Variants in PTPN4 observed in about 807,000 individuals in gnomAD.
The protein encoded by PTPN4 is protein tyrosine phosphatase non-receptor type 4.
Under a neutral mutation model 135.5 loss-of-function variants are expected in PTPN4, and 49 were observed. The ratio of observed to expected loss-of-function variants is 0.36; its 90% CI spans 0.29 to 0.46. The LOEUF is 0.46. Among genes scored for constraint, PTPN4 ranks in the 20% least tolerant of loss-of-function variants. The pLI is 1.00. For synonymous variants in PTPN4, 333 were observed against 369.9 expected (o/e 0.90, Z 1.14); for missense variants, 860 against 1,101.0 (o/e 0.78, Z 3.10).
At chr2:119,886,832 T>C (rs552107066) in intron 9 of PTPN4, among the ~76,000 whole-genome samples, 8 of 152,322 alleles carry the variant, frequency 5.3e-5, no homozygotes, top group Middle Eastern at 3.4e-3. Flanking sequence ...AGTTCTTATG[T>C]TTCACAAAGC....
intron 2 of PTPN4, among the ~76,000 whole-genome samples, chr2:119,818,333 G>A (rs781213883): frequency 1.4e-4 from 21 of 152,142 alleles, no homozygotes; most frequent in East Asian, 1.9e-4. Flanking sequence ...CTAATTTGTC[G>A]TTGTATATTG....
chr2:119,868,555 C>G (rs1403688918), intron 3 of PTPN4, among the ~76,000 whole-genome samples: 3 of 152,148 alleles, frequency 2.0e-5, no homozygotes, highest in Non-Finnish European at 4.4e-5. Context: ...GGCCATAATG[C>G]CCACGTTGGA....
At chr2:119,971,961 A>C (rs1357223669) in intron 26 of PTPN4, among the ~76,000 whole-genome samples, 2 of 152,202 alleles carry the variant, frequency 1.3e-5, no homozygotes, top group African/African-American at 4.8e-5. Flanking sequence ...CAAATATAAG[A>C]GTTTATTTCT....
chr2:119,834,420 C>G (rs1677262284), intron 2 of PTPN4, among the ~76,000 whole-genome samples: 1 of 151,736 alleles, frequency 6.6e-6, no homozygotes, highest in Non-Finnish European at 1.5e-5. Flanking sequence ...TTCAGCTTAG[C>G]TATGTAATTA....
chr2:119,859,327 C>CAGACATTTG (rs1452959351), intron 2 of PTPN4, among the ~76,000 whole-genome samples: 1 of 152,160 alleles, frequency 6.6e-6, no homozygotes, highest in African/African-American at 2.4e-5. Flanking sequence ...GGTAGTATCT[C>CAGACATTTG]AGACATTTGA....
At chr2:119,792,299 T>G (rs1379458501) in intron 1 of PTPN4, among the ~76,000 whole-genome samples, 1 of 152,196 alleles carries the variant, frequency 6.6e-6, no homozygotes, top group East Asian at 1.9e-4. Flanking sequence ...ATTTTGTGTT[T>G]TAGCTTAGTG....
At chr2:119,789,465 G>A (rs543495007) in intron 1 of PTPN4, among the ~76,000 whole-genome samples, 29 of 152,072 alleles carry the variant, frequency 1.9e-4, no homozygotes, top group African/African-American at 5.3e-4. Context: ...TTTGTTGCCC[G>A]TGCTATTGGT....
At chr2:119,798,168 C>CTTT (rs201921444) in intron 1 of PTPN4, among the ~76,000 whole-genome samples, 1 of 142,230 alleles carries the variant, frequency 7.0e-6, no homozygotes. Flanking sequence ...ACTGCAACAT[C>CTTT]TTTTTTTTTT....
intron 10 of PTPN4, among the ~76,000 whole-genome samples, chr2:119,908,069 A>G (rs1233703947): frequency 6.6e-6 from 1 of 152,222 alleles, no homozygotes; most frequent in Non-Finnish European, 1.5e-5. Flanking sequence ...CTTTAAAAGT[A>G]CAGGCAACAG....
chr2:119,845,499 T>C (rs950596838), intron 2 of PTPN4, among the ~76,000 whole-genome samples: 1 of 152,196 alleles, frequency 6.6e-6, no homozygotes, highest in Non-Finnish European at 1.5e-5. Flanking sequence ...ACATTATCTA[T>C]CGGCATACAT....
chr2:119,951,878 G>A (rs1209072574), intron 18 of PTPN4, 95 bp from the exon 19 acceptor site: 2 of 985,754 alleles, frequency 2.0e-6, no homozygotes, highest in Non-Finnish European at 2.8e-6. Flanking sequence ...ATGTAGTTTA[G>A]TTCTCCTGCT....
At chr2:119,962,354 T>C (rs1679377673) in intron 23 of PTPN4, among the ~76,000 whole-genome samples, 2 of 151,854 alleles carry the variant, frequency 1.3e-5, no homozygotes, top group Admixed American at 1.3e-4. Context: ...CTTGGGAGGC[T>C]GAGGCAGGAG....
At chr2:119,881,681 A>G in intron 5 of PTPN4, 105 bp from the exon 6 acceptor site, 1 of 746,552 alleles carries the variant, frequency 1.3e-6, no homozygotes, top group Non-Finnish European at 2.1e-6. Context: ...TTATAAAAGC[A>G]AATATTTAAA....
intron 3 of PTPN4, among the ~76,000 whole-genome samples, chr2:119,866,556 TCAC>T (rs1677838205): frequency 1.3e-5 from 2 of 152,134 alleles, no homozygotes; most frequent in South Asian, 4.1e-4. Flanking sequence ...TTTCCTTGTA[TCAC>T]TAATGCTGCT....
At chr2:119,813,303 A>C (rs1676929025) in intron 2 of PTPN4, among the ~76,000 whole-genome samples, 1 of 151,134 alleles carries the variant, frequency 6.6e-6, no homozygotes, top group South Asian at 2.1e-4. Flanking sequence ...GCTGGAGTAC[A>C]ATGGCACGAT....
intron 1 of PTPN4, among the ~76,000 whole-genome samples, chr2:119,762,741 A>C (rs552672456): frequency 6.6e-5 from 10 of 152,258 alleles, no homozygotes; most frequent in African/African-American, 2.2e-4. Flanking sequence ...TCAACTCCCT[A>C]GGAATGGTTA....
intron 15 of PTPN4, among the ~76,000 whole-genome samples, chr2:119,942,519 AT>A (rs1045602297): frequency 1.3e-5 from 2 of 151,882 alleles, no homozygotes; most frequent in African/African-American, 4.8e-5. Flanking sequence ...TTAGTTTTAA[AT>A]TTTTTTTCTC....
intron 2 of PTPN4, among the ~76,000 whole-genome samples, chr2:119,826,082 A>G (rs774120011): frequency 7.9e-5 from 12 of 152,182 alleles, no homozygotes; most frequent in Non-Finnish European, 1.5e-4. Flanking sequence ...CCAGGTGTGT[A>G]TATATTAAAT....
At chr2:119,876,357 G>A (rs1192322510) in intron 3 of PTPN4, among the ~76,000 whole-genome samples, 4 of 152,138 alleles carry the variant, frequency 2.6e-5, no homozygotes, top group African/African-American at 9.7e-5. Flanking sequence ...GAGAGATAAG[G>A]ATGATAAATT....
Sources: allele counts gnomAD v4.1 joint callset (sites outside exome capture counted in the v4.1 genomes callset), GRCh38; gene constraint gnomAD v4.1.1; transcripts MANE v1.5; gene names NCBI Gene and HGNC (gene_info 2026-07-23, HGNC 2026-07-21).